The following GPT2 variants were observed in gnomAD, a reference collection of about 807,000 sequenced individuals.
The protein encoded by GPT2 is alanine aminotransferase 2.
Under a neutral mutation model 56.9 loss-of-function variants are expected in GPT2, and 30 were observed. That is an observed-to-expected ratio of 0.53 (90% CI 0.39 to 0.72). The LOEUF is 0.72. Among genes scored for constraint, GPT2 ranks in the 30% least tolerant of loss-of-function variants. GPT2 has a pLI of 0.00. For synonymous variants in GPT2, 271 were observed against 283.1 expected (o/e 0.96, Z 0.43); for missense variants, 542 against 703.4 (o/e 0.77, Z 2.60).
At chr16:46,892,074 G>T (rs1248867724) in intron 2 of GPT2, among the ~76,000 whole-genome samples, 2 of 152,096 alleles carry the variant, frequency 1.3e-5, no homozygotes, top group African/African-American at 2.4e-5. Context: ...TGCCACATAT[G>T]CACTCCCCCA....
In GPT2 at chr16:46,906,605, T is replaced by A. The variant is rs145262194; in HGVS notation, c.443-237T>A. ...AGTCAGTACTGGGTGAGTGAGTGGATGAGTGGATGGATGTGTGGGTGGATG... is the reference window on the plus strand; with the variant it reads ...AGTCAGTACTGGGTGAGTGAGTGGAAGAGTGGATGGATGTGTGGGTGGATG... On this transcript the variant is annotated intron_variant, in intron 4 of 11. Coordinates refer to ENST00000340124, the MANE Select transcript of GPT2 (RefSeq NM_133443.4). Among the ~76,000 whole-genome samples the A allele has an allele frequency of 1.8e-4, 27 of 152,114 alleles. No individual in the cohort carries two copies. In the East Asian group the frequency reaches 5.2e-3, roughly 29 times the overall value.
chr16:46,929,102 C>CCGA lies in GPT2; in HGVS notation c.*105_*106insCGA. The CCGA allele has an allele frequency of 2.4e-6, 2 of 819,598 alleles. No individual in the cohort carries two copies. Among genetic ancestry groups the CCGA allele is most frequent in the Non-Finnish European group, 2.1e-6 (1 of 480,856 alleles). The allele number at this position is 819,598 out of a possible 1,614,324, so 50.8% of individuals were successfully genotyped here. The stretch of plus-strand genomic sequence containing the variant: ...ACTCTGCCTCGGGCCTCGCAGAGGC[C>CCGA]GCTGGTCACTTCGTCATCATTTTGC... On this transcript the variant is annotated 3_prime_UTR_variant, in exon 12 of 12. Coordinates refer to ENST00000340124, the MANE Select transcript of GPT2 (RefSeq NM_133443.4).
chr16:46,898,464 G>C (rs574351016), intron 3 of GPT2, among the ~76,000 whole-genome samples: 1 of 152,348 alleles, frequency 6.6e-6, no homozygotes, highest in Non-Finnish European at 1.5e-5. Context: ...AGATGCCCCA[G>C]GGCAGGACAG....
intron 6 of GPT2, chr16:46,915,441 C>G (rs1320263963): frequency 6.7e-6 from 1 of 149,848 alleles, no homozygotes; most frequent in Non-Finnish European, 1.5e-5. Context: ...ACACACACAC[C>G]AAATACAGAC....
In GPT2 at chr16:46,887,125, T is replaced by C. The variant is rs148236944; in HGVS notation, c.243+2167T>C. Among the ~76,000 whole-genome samples the C allele has an allele frequency of 2.2e-3, 341 of 152,268 alleles. 6 individuals are homozygous for C. In the East Asian group the frequency reaches 0.034, roughly 15 times the overall value. On this transcript the variant is annotated intron_variant, in intron 2 of 11. Transcript: ENST00000340124. ...TTTTATTTCTGGCTTGCCTTCTCCT[T>C]GTGCAGCTTTGGTTTTTCTGCTTCT... is the stretch of plus-strand genomic sequence containing the variant.
intron 2 of GPT2, among the ~76,000 whole-genome samples, chr16:46,889,157 G>T (rs1960538078): frequency 6.6e-6 from 1 of 151,336 alleles, no homozygotes; most frequent in African/African-American, 2.4e-5. Context: ...CTCTTGAGTA[G>T]CTGGGACCAC....
At chr16:46,903,934 A>C (rs898055762) in intron 4 of GPT2, among the ~76,000 whole-genome samples, 1 of 152,216 alleles carries the variant, frequency 6.6e-6, no homozygotes, top group African/African-American at 2.4e-5. Context: ...GGAGAGGAAG[A>C]GCTTAAGGGG....
At chr16:46,928,780 G>C in intron 11 of GPT2, 127 bp from the exon 12 acceptor site, 1 of 703,430 alleles carries the variant, frequency 1.4e-6, no homozygotes, top group Non-Finnish European at 2.6e-6. Flanking sequence ...GTGCTGTCCG[G>C]GCTGGAGCTG....
intron 6 of GPT2, among the ~76,000 whole-genome samples, chr16:46,911,084 C>T (rs941419735): frequency 6.6e-6 from 1 of 152,154 alleles, no homozygotes; most frequent in East Asian, 1.9e-4. Context: ...TTCTTTGATA[C>T]AGCACTGCTG....
At chr16:46,898,953 T>TAC (rs1567335051) in intron 3 of GPT2, among the ~76,000 whole-genome samples, 1 of 108,590 alleles carries the variant, frequency 9.2e-6, no homozygotes, top group Non-Finnish European at 1.8e-5. Context: ...CACACATATA[T>TAC]GTGTATATAT....
intron 7 of GPT2, among the ~76,000 whole-genome samples, chr16:46,916,966 A>G (rs987148042): frequency 1.1e-4 from 17 of 152,138 alleles, no homozygotes; most frequent in African/African-American, 4.1e-4. Context: ...AAAAAGAAAA[A>G]ATGCCAGTGG....
Position 46,924,453 on chromosome 16 carries a change from A to C in GPT2, c.1277A>C (p.Gln426Pro). The C allele has an allele frequency of 6.2e-7, 1 of 1,614,216 alleles. No homozygotes were observed. The highest frequency in any genetic ancestry group is 8.5e-7 in the Non-Finnish European group (1 of 1,180,026). Residue 426 changes from glutamine (Q) to proline (P), a missense_variant, in exon 10 of 12, where the codon CAA becomes CCA. By Grantham distance (76) the Gln-to-Pro change is moderately conservative (BLOSUM62 -1). Coordinates refer to ENST00000340124, the MANE Select transcript of GPT2 (RefSeq NM_133443.4). ...AAGCTGACGGAAGACCTGTTTAACC[A>C]AGTCCCAGGAATTCACTGCAACCCC... is the stretch of plus-strand genomic sequence containing the variant. The part of the protein sequence containing the change: ...KAKLTEDLFN[Q>P]VPGIHCNPLQ...
chr16:46,885,170 C>T, intron 2 of GPT2: 1 of 1,288,956 alleles, frequency 7.8e-7, no homozygotes, highest in Non-Finnish European at 9.8e-7. Flanking sequence ...ATACGGTTCA[C>T]TTGTTGAATT....
intron 11 of GPT2, among the ~76,000 whole-genome samples, chr16:46,928,064 G>C (rs1961453124): frequency 6.6e-6 from 1 of 152,210 alleles, no homozygotes; most frequent in African/African-American, 2.4e-5. Context: ...AGAGGGCTGA[G>C]TGCAGTGGCT....
At chr16:46,917,151 G>C (rs888682904) in intron 7 of GPT2, among the ~76,000 whole-genome samples, 17 of 152,140 alleles carry the variant, frequency 1.1e-4, no homozygotes, top group African/African-American at 4.1e-4. Context: ...TCTCAGAATT[G>C]AGCTTCATTG....
chr16:46,928,372 C>T (rs1032264065), intron 11 of GPT2, among the ~76,000 whole-genome samples: 13 of 151,606 alleles, frequency 8.6e-5, no homozygotes, highest in African/African-American at 2.9e-4. Context: ...TGCCTGTAAT[C>T]CCAGCACTTT....
At chr16:46,898,975 CAT>C (rs60743914) in intron 3 of GPT2, among the ~76,000 whole-genome samples, 88 of 132,118 alleles carry the variant, frequency 6.7e-4, no homozygotes, top group East Asian at 6.1e-3. Context: ...TACACACACA[CAT>C]ATATATATAT....
Position 46,884,946 on chromosome 16 carries a change from C to A in GPT2, c.231C>A (p.Leu77=). 1 of 1,515,062 alleles carries A rather than the reference C, an allele frequency of 6.6e-7. No homozygotes were observed. The highest frequency in any genetic ancestry group is 8.9e-7 in the Non-Finnish European group (1 of 1,128,386). The allele number at this position is 1,515,062 out of a possible 1,614,324, so 93.9% of individuals were successfully genotyped here. A position where few individuals can be genotyped will look rare whatever the true frequency, so the allele number is the denominator to read the frequency against. ...TGCTCAAGGCCGGCGAGATCGAGCT[C>A]GAGCTGCAGCGGGTGAGCGCGCGCT... The part of the protein sequence containing the change: ...PIVLKAGEIE[L]ELQRGIKKPF... The change falls in exon 2 of 12, where the codon CTC becomes CTA. Residue 77 remains leucine (L), a synonymous_variant. Coordinates refer to ENST00000340124, the MANE Select transcript of GPT2 (RefSeq NM_133443.4).
chr16:46,922,738 C>T lies in GPT2; in HGVS notation c.1212+322C>T, dbSNP rs1031020737. Among the ~76,000 whole-genome samples the T allele has an allele frequency of 1.2e-4, 19 of 152,040 alleles. No homozygotes were observed. The East Asian group carries it at 3.3e-3, about 26-fold the overall frequency. On this transcript the variant is annotated intron_variant, in intron 9 of 11. Coordinates refer to ENST00000340124, the MANE Select transcript of GPT2 (RefSeq NM_133443.4). ...GGGACTCATGAAACTGAAAAGAAGA[C>T]GAGGAGGTAGAGGGGCGCAGCATCG...
Sources: allele counts gnomAD v4.1 joint callset (sites outside exome capture counted in the v4.1 genomes callset), GRCh38; gene constraint gnomAD v4.1.1; transcripts MANE v1.5; gene names NCBI Gene and HGNC (gene_info 2026-07-23, HGNC 2026-07-21).